The following EPHA6 variants were observed in gnomAD, a reference collection of about 807,000 sequenced individuals.
EPHA6 encodes the protein EPH receptor A6.
Under a neutral mutation model 112.0 loss-of-function variants are expected in EPHA6, and 50 were observed. The observed-to-expected ratio is 0.45, with a 90% CI of 0.36 to 0.56. EPHA6 has a LOEUF of 0.56. EPHA6 is among the 20% of genes least tolerant of loss of function. The pLI is 0.00. For missense variants in EPHA6, 1,280 were observed against 1,417.4 expected (o/e 0.90, Z 1.56); for synonymous variants, 529 against 490.7 (o/e 1.08, Z -1.03).
At chr3:96,839,982 C>T (rs1171955115) in intron 1 of EPHA6, among the ~76,000 whole-genome samples, 1 of 152,044 alleles carries the variant, frequency 6.6e-6, no homozygotes, top group Non-Finnish European at 1.5e-5. Context: ...TGTTATTGTT[C>T]AGGGAAGAAA....
At chr3:97,220,784 A>G (rs965189546) in intron 3 of EPHA6, among the ~76,000 whole-genome samples, 31 of 152,196 alleles carry the variant, frequency 2.0e-4, no homozygotes, top group African/African-American at 7.0e-4. Flanking sequence ...ATCAGTCTGT[A>G]CAAATCTGTG....
intron 2 of EPHA6, among the ~76,000 whole-genome samples, chr3:96,951,510 C>G (rs2107721331): frequency 6.6e-6 from 1 of 152,132 alleles, no homozygotes; most frequent in South Asian, 2.1e-4. Context: ...AGAATATAAA[C>G]TCTATAAATC....
chr3:97,564,426 T>C (rs1426942026), intron 11 of EPHA6, among the ~76,000 whole-genome samples: 1 of 152,174 alleles, frequency 6.6e-6, no homozygotes, highest in Non-Finnish European at 1.5e-5. Flanking sequence ...ACAGAAAATA[T>C]GTTGTATTGT....
intron 5 of EPHA6, among the ~76,000 whole-genome samples, chr3:97,272,175 C>T (rs1206571044): frequency 6.6e-6 from 1 of 152,146 alleles, no homozygotes; most frequent in Admixed American, 6.5e-5. Flanking sequence ...TAAATGAGAT[C>T]ATACAGCATT....
intron 11 of EPHA6, among the ~76,000 whole-genome samples, chr3:97,575,264 A>G (rs928662478): frequency 1.3e-5 from 2 of 152,154 alleles, no homozygotes; most frequent in African/African-American, 4.8e-5. Context: ...CTAGATATAT[A>G]TGCAATAACC....
intron 2 of EPHA6, among the ~76,000 whole-genome samples, chr3:96,941,701 GCT>G (rs1290320074): frequency 6.6e-6 from 1 of 152,176 alleles, no homozygotes; most frequent in Admixed American, 6.5e-5. Context: ...CAGTTTTTCT[GCT>G]CTGTTTTTTC....
intron 3 of EPHA6, among the ~76,000 whole-genome samples, chr3:97,070,869 T>C (rs2046328464): frequency 6.6e-6 from 1 of 152,136 alleles, no homozygotes; most frequent in South Asian, 2.1e-4. Context: ...TCTCAAAGTT[T>C]TCTATCAAAT....
intron 3 of EPHA6, among the ~76,000 whole-genome samples, chr3:97,073,588 A>G (rs1245580593): frequency 6.6e-6 from 1 of 152,138 alleles, no homozygotes; most frequent in Non-Finnish European, 1.5e-5. Context: ...TAAATTTGTT[A>G]AAACATCAAT....
At chr3:97,223,463 C>A (rs2078262761) in intron 3 of EPHA6, among the ~76,000 whole-genome samples, 1 of 152,108 alleles carries the variant, frequency 6.6e-6, no homozygotes, top group Non-Finnish European at 1.5e-5. Context: ...GTTGTGGGAA[C>A]AAGCTTGGGT....
intron 6 of EPHA6, among the ~76,000 whole-genome samples, chr3:97,422,939 A>C (rs1331921018): frequency 1.3e-5 from 2 of 152,202 alleles, no homozygotes; most frequent in Non-Finnish European, 2.9e-5. Flanking sequence ...AAAGGCTTTC[A>C]GTAAAATTCA....
At chr3:96,904,081 A>G (rs1415247714) in intron 2 of EPHA6, among the ~76,000 whole-genome samples, 2 of 152,122 alleles carry the variant, frequency 1.3e-5, no homozygotes, top group Non-Finnish European at 1.5e-5. Flanking sequence ...TAGAAATACC[A>G]TTTGACCCAG....
chr3:97,713,499 T>G (rs2107771048), intron 14 of EPHA6, among the ~76,000 whole-genome samples: 1 of 152,346 alleles, frequency 6.6e-6, no homozygotes, highest in East Asian at 1.9e-4. Context: ...GCTTATCAGC[T>G]TATAAAAATT....
chr3:97,187,567 T>C (rs922507141), intron 3 of EPHA6, among the ~76,000 whole-genome samples: 3 of 137,940 alleles, frequency 2.2e-5, no homozygotes, highest in South Asian at 2.2e-4. Flanking sequence ...TGAGCGAGAC[T>C]TCGTCTCAAA....
intron 12 of EPHA6, among the ~76,000 whole-genome samples, chr3:97,606,631 A>G (rs1414883091): frequency 6.6e-6 from 1 of 151,384 alleles, no homozygotes; most frequent in African/African-American, 2.4e-5. Flanking sequence ...TCTGATAATC[A>G]TCAGGCAACA....
chr3:97,179,796 A>G (rs1303466594), intron 3 of EPHA6, among the ~76,000 whole-genome samples: 2 of 142,386 alleles, frequency 1.4e-5, no homozygotes, highest in Admixed American at 7.0e-5. Flanking sequence ...GGGTGTTACA[A>G]TTGCTTCTAT....
chr3:97,080,556 T>G (rs1334053867), intron 3 of EPHA6, among the ~76,000 whole-genome samples: 1 of 152,056 alleles, frequency 6.6e-6, no homozygotes, highest in Non-Finnish European at 1.5e-5. Context: ...TGTGTAACAC[T>G]TATAAGAACA....
intron 5 of EPHA6, among the ~76,000 whole-genome samples, chr3:97,282,958 T>G (rs2080338982): frequency 6.6e-6 from 1 of 151,922 alleles, no homozygotes; most frequent in African/African-American, 2.4e-5. Context: ...GTAACAAACC[T>G]CCATGTCCTG....
chr3:97,336,066 A>G (rs930001004), intron 5 of EPHA6, among the ~76,000 whole-genome samples: 1 of 152,166 alleles, frequency 6.6e-6, no homozygotes, highest in African/African-American at 2.4e-5. Flanking sequence ...TGCTATCTCC[A>G]GGAACAACTT....
intron 11 of EPHA6, among the ~76,000 whole-genome samples, chr3:97,586,850 G>T (rs1234490346): frequency 6.6e-6 from 1 of 152,192 alleles, no homozygotes; most frequent in Non-Finnish European, 1.5e-5. Flanking sequence ...GCGCTTTGAA[G>T]TTATTCTTAC....
Sources: allele counts gnomAD v4.1 joint callset (sites outside exome capture counted in the v4.1 genomes callset), GRCh38; gene constraint gnomAD v4.1.1; transcripts MANE v1.5; gene names NCBI Gene and HGNC (gene_info 2026-07-23, HGNC 2026-07-21).